CCR3: variants seen among roughly 807,000 people sequenced by gnomAD.
CCR3 encodes the protein C-C motif chemokine receptor 3, also known as C-C chemokine receptor type 3.
For missense variants in CCR3, 419 were observed against 437.5 expected, an observed-to-expected ratio of 0.96 and a Z score of 0.38; for synonymous variants, 203 against 179.2, an observed-to-expected ratio of 1.13 and a Z score of -1.06.
chr3:46,239,279 CTTCTT>C (rs1700054246), upstream of CCR3, among the ~76,000 whole-genome samples: 1 of 152,228 alleles, frequency 6.6e-6, no homozygotes, highest in Non-Finnish European at 1.5e-5. Flanking sequence ...ATGCATGTAG[CTTCTT>C]TACAGAAATC....
intron 1 of CCR3, among the ~76,000 whole-genome samples, chr3:46,249,573 T>G (rs2125930133): frequency 6.6e-6 from 1 of 152,316 alleles, no homozygotes; most frequent in Non-Finnish European, 1.5e-5. Context: ...GTGTCAGTCT[T>G]CAGCCGCTAA....
chr3:46,243,451 A>G (rs1232645718), intron 1 of CCR3, among the ~76,000 whole-genome samples: 2 of 152,176 alleles, frequency 1.3e-5, no homozygotes, highest in Non-Finnish European at 2.9e-5. Flanking sequence ...AATCCACACT[A>G]AATCAAGCTA....
intron 2 of CCR3, among the ~76,000 whole-genome samples, chr3:46,216,825 C>G (rs1365197207): frequency 6.6e-6 from 1 of 152,084 alleles, no homozygotes. Context: ...CACTACCAAG[C>G]CAGCACTACA....
chr3:46,241,202 C>T (rs1700079663), upstream of CCR3, among the ~76,000 whole-genome samples: 1 of 137,644 alleles, frequency 7.3e-6, no homozygotes, highest in Non-Finnish European at 1.6e-5. Context: ...ATCCTCCTTC[C>T]TCTTTCTTTG....
intron 2 of CCR3, chr3:46,210,920 A>G (rs1388700615): frequency 6.6e-6 from 1 of 152,292 alleles, no homozygotes; most frequent in Non-Finnish European, 1.5e-5. Flanking sequence ...AGGTGAAACC[A>G]GTGTTGCCTC....
At chr3:46,228,211 G>A (rs1405946568) in intron 2 of CCR3, among the ~76,000 whole-genome samples, 1 of 149,708 alleles carries the variant, frequency 6.7e-6, no homozygotes, top group Non-Finnish European at 1.5e-5. Flanking sequence ...CAATCTCACT[G>A]GGGACACCCT....
chr3:46,265,514 G>A lies in CCR3; in HGVS notation c.356G>A (p.Ser119Asn), dbSNP rs1240564933. The A allele has an allele frequency of 4.3e-6, 7 of 1,614,060 alleles. No individual in the cohort carries two copies. The highest frequency in any genetic ancestry group is 1.7e-5 in the Admixed American group (1 of 60,004). ...GGGTTTTATCACACAGGCTTGTACA[G>A]CGAGATCTTTTTCATAATCCTGCTG... ...LSGFYHTGLY[S>N]EIFFIILLTI... The change falls in exon 2 of 2, where the codon AGC (serine) becomes AAC (asparagine). Residue 119 changes from serine to asparagine, a missense_variant. Ser to Asn is a conservative substitution (Grantham distance 46, BLOSUM62 1). Transcript: ENST00000395940.
At chr3:46,216,191 C>A (rs1349450607) in intron 2 of CCR3, among the ~76,000 whole-genome samples, 1 of 152,174 alleles carries the variant, frequency 6.6e-6, no homozygotes, top group Non-Finnish European at 1.5e-5. Flanking sequence ...AGATTACAGG[C>A]ACATTCACTG....
chr3:46,237,133 G>T (rs1364159389), intron 2 of CCR3, among the ~76,000 whole-genome samples: 1 of 152,140 alleles, frequency 6.6e-6, no homozygotes, highest in Non-Finnish European at 1.5e-5. Flanking sequence ...GAACACTTAG[G>T]TTGATTCCAT....
chr3:46,216,274 G>T (rs753795733), intron 2 of CCR3, among the ~76,000 whole-genome samples: 8 of 152,236 alleles, frequency 5.3e-5, no homozygotes, highest in Non-Finnish European at 1.2e-4. Flanking sequence ...CGCCCCCCAG[G>T]TTGGAGTGCC....
chr3:46,217,570 A>G (rs943250587), intron 2 of CCR3, among the ~76,000 whole-genome samples: 6 of 152,182 alleles, frequency 3.9e-5, no homozygotes, highest in Non-Finnish European at 8.8e-5. Context: ...AGGCCACAAA[A>G]TAAGTTTCAA....
intron 1 of CCR3, among the ~76,000 whole-genome samples, chr3:46,253,253 A>T (rs1175454364): frequency 2.0e-5 from 3 of 152,060 alleles, no homozygotes; most frequent in African/African-American, 4.8e-5. Flanking sequence ...CTCACATGGC[A>T]CCCATTTCAT....
At chr3:46,214,631 A>G (rs868674376) in intron 2 of CCR3, among the ~76,000 whole-genome samples, 1 of 152,014 alleles carries the variant, frequency 6.6e-6, no homozygotes, top group African/African-American at 2.4e-5. Flanking sequence ...CTTTTTGCCA[A>G]TTTATAGAAA....
chr3:46,227,587 T>C (rs770373605), intron 2 of CCR3, among the ~76,000 whole-genome samples: 7 of 152,194 alleles, frequency 4.6e-5, no homozygotes, highest in Non-Finnish European at 7.4e-5. Context: ...TTGCTCTGCA[T>C]TTTCTGGTTT....
chr3:46,253,043 CCA>C (rs1700347911), intron 1 of CCR3, among the ~76,000 whole-genome samples: 1 of 152,132 alleles, frequency 6.6e-6, no homozygotes, highest in South Asian at 2.1e-4. Flanking sequence ...GACCCCATCT[CCA>C]GAGACTCTGA....
At chr3:46,230,090 T>A (rs541085140) in intron 2 of CCR3, among the ~76,000 whole-genome samples, 1 of 151,924 alleles carries the variant, frequency 6.6e-6, no homozygotes, top group South Asian at 2.1e-4. Context: ...CTTGATAGAA[T>A]CATAGGTGCA....
intron 2 of CCR3, among the ~76,000 whole-genome samples, chr3:46,230,193 C>T (rs911397681): frequency 6.6e-6 from 1 of 152,186 alleles, no homozygotes; most frequent in African/African-American, 2.4e-5. Context: ...CACCAATATC[C>T]ATGACACTCT....
intron 2 of CCR3, among the ~76,000 whole-genome samples, chr3:46,232,618 A>G (rs1979672): frequency 0.18 from 27,954 of 152,120 alleles, 2,930 homozygotes; most frequent in East Asian, 0.28. Flanking sequence ...TGGGAGGGGC[A>G]TGTTCATGGC....
At chr3:46,240,170 C>T (rs1404415758), upstream of CCR3, among the ~76,000 whole-genome samples, 1 of 152,156 alleles carries the variant, frequency 6.6e-6, no homozygotes, top group East Asian at 1.9e-4. Flanking sequence ...CCACAATGGG[C>T]CTGCAAAATT....
Sources: allele counts gnomAD v4.1 joint callset (sites outside exome capture counted in the v4.1 genomes callset), GRCh38; gene constraint gnomAD v4.1.1; transcripts MANE v1.5; gene names NCBI Gene and HGNC (gene_info 2026-07-23, HGNC 2026-07-21).